The following CDH18 variants were observed in gnomAD, a reference collection of about 807,000 sequenced individuals.
CDH18 encodes the protein cadherin 18, also known as cadherin-18.
Under a neutral mutation model 67.9 loss-of-function variants are expected in CDH18, and 31 were observed. That is an observed-to-expected ratio of 0.46 (90% CI 0.34 to 0.62). The LOEUF (loss-of-function observed/expected upper bound fraction) is 0.62, where lower values mean the gene tolerates loss of function less well. Ranked by LOEUF, CDH18 falls within the 20% of genes least tolerant of loss-of-function variation. The pLI is 0.01. For missense variants in CDH18, 890 were observed against 975.5 expected, an observed-to-expected ratio of 0.91 and a Z score of 1.17; for synonymous variants, 362 against 347.2, an observed-to-expected ratio of 1.04 and a Z score of -0.48.
At chr5:19,874,068 A>T (rs990198335) in intron 2 of CDH18, among the ~76,000 whole-genome samples, 1 of 152,220 alleles carries the variant, frequency 6.6e-6, no homozygotes, top group African/African-American at 2.4e-5. Context: ...TACACTCAGA[A>T]GTATGTCATT....
intron 2 of CDH18, among the ~76,000 whole-genome samples, chr5:19,977,007 G>A (rs1798569270): frequency 1.3e-5 from 2 of 152,054 alleles, no homozygotes; most frequent in Non-Finnish European, 2.9e-5. Context: ...TATGGAAAAA[G>A]GTGTAAGTGG....
At chr5:20,404,554 T>C (rs896813306) in intron 1 of CDH18, among the ~76,000 whole-genome samples, 7 of 152,048 alleles carry the variant, frequency 4.6e-5, no homozygotes, top group Admixed American at 2.0e-4. Context: ...GGGAGAGAGA[T>C]AGGGGAATGG....
chr5:20,499,404 T>G (rs1754109703), intron 1 of CDH18, among the ~76,000 whole-genome samples: 1 of 152,120 alleles, frequency 6.6e-6, no homozygotes, highest in African/African-American at 2.4e-5. Flanking sequence ...TTTTTTATTC[T>G]TTTCTAAATA....
At chr5:19,735,358 A>G (rs577457686) in intron 4 of CDH18, among the ~76,000 whole-genome samples, 2 of 150,986 alleles carry the variant, frequency 1.3e-5, no homozygotes, top group Non-Finnish European at 2.9e-5. Flanking sequence ...AACCACTCCC[A>G]TTCAATCTCT....
At chr5:19,859,150 C>A (rs1784606519) in intron 2 of CDH18, among the ~76,000 whole-genome samples, 1 of 152,038 alleles carries the variant, frequency 6.6e-6, no homozygotes, top group African/African-American at 2.4e-5. Flanking sequence ...TCACCTCAGC[C>A]AAGGGCATTC....
chr5:20,252,176 C>A (rs1743909752), intron 2 of CDH18, among the ~76,000 whole-genome samples: 1 of 151,696 alleles, frequency 6.6e-6, no homozygotes, highest in South Asian at 2.1e-4. Context: ...ACATGTAAAA[C>A]CCCCTTTCTA....
At chr5:19,603,601 A>G (rs1747533215) in intron 6 of CDH18, among the ~76,000 whole-genome samples, 1 of 151,806 alleles carries the variant, frequency 6.6e-6, no homozygotes, top group Admixed American at 6.6e-5. Flanking sequence ...AGAAAAATGA[A>G]GAAGAGACAC....
chr5:20,014,595 T>C (rs1170424240), intron 2 of CDH18, among the ~76,000 whole-genome samples: 1 of 152,114 alleles, frequency 6.6e-6, no homozygotes, highest in Non-Finnish European at 1.5e-5. Context: ...TAATTTTATA[T>C]ATAGTTAAAG....
rs1741444806 is a variant in CDH18 at position 19,571,766 on chromosome 5, A to C, written c.1066T>G (p.Phe356Val). ...AAAGGACCCAAGTGAGAAAAGCGAA[A>C]ATCAAGATGTGTATTTGCTCCTTCT... ...NIEGANTHLDFRFSHLGPFKD... is the reference protein window; with the variant it reads ...NIEGANTHLDVRFSHLGPFKD... The change falls in exon 8 of 13, where the codon TTT (phenylalanine) becomes GTT (valine). Residue 356 changes from phenylalanine (F) to valine (V), a missense_variant. Phe to Val is a conservative substitution (Grantham distance 50). Transcript: ENST00000382275. 1.9e-6 allele frequency: 3 copies of C among 1,613,918 alleles called. No homozygotes were observed. Among genetic ancestry groups the C allele is most frequent in the Non-Finnish European group, 2.5e-6 (3 of 1,179,840 alleles).
At chr5:20,158,251 A>G (rs970927340) in intron 2 of CDH18, among the ~76,000 whole-genome samples, 8 of 152,322 alleles carry the variant, frequency 5.3e-5, no homozygotes, top group African/African-American at 1.7e-4. Flanking sequence ...TTAGAACAAG[A>G]GAAAAATAAA....
intron 5 of CDH18, among the ~76,000 whole-genome samples, chr5:19,648,864 A>G (rs958989201): frequency 2.0e-5 from 3 of 151,962 alleles, no homozygotes; most frequent in African/African-American, 7.2e-5. Flanking sequence ...GACAAAAATG[A>G]CATTTATATA....
intron 1 of CDH18, among the ~76,000 whole-genome samples, chr5:20,391,122 C>T (rs1327277245): frequency 6.6e-6 from 1 of 151,802 alleles, no homozygotes; most frequent in African/African-American, 2.4e-5. Context: ...TACCCTAAAA[C>T]TTAAAGTATA....
At chr5:20,477,607 C>A (rs1195248516) in intron 1 of CDH18, among the ~76,000 whole-genome samples, 1 of 152,228 alleles carries the variant, frequency 6.6e-6, no homozygotes, top group South Asian at 2.1e-4. Context: ...ACAGAGGGGA[C>A]TCTCCCATCC....
chr5:20,336,464 T>C (rs1211956761), intron 1 of CDH18, among the ~76,000 whole-genome samples: 3 of 152,070 alleles, frequency 2.0e-5, no homozygotes, highest in African/African-American at 7.2e-5. Flanking sequence ...GGTTCATGCC[T>C]GTAATCTCAG....
rs114140590 is a variant in CDH18, at chr5:19,495,463, G to A, written c.1630+7529C>T. ...TTAAAATATCAATAAAATCTCAGCC[G>A]GGAGCTGTGGTTCACACCTGTAATC... is the stretch of plus-strand genomic sequence containing the variant. On this transcript the variant is annotated intron_variant, in intron 11 of 12. Transcript: ENST00000382275. 9.2e-3 allele frequency among the ~76,000 whole-genome samples: 1,391 copies of A among 151,984 alleles called. 13 individuals carry two copies. The highest frequency in any genetic ancestry group is 0.011 in the Non-Finnish European group (779 of 67,952).
At chr5:20,241,827 G>C (rs1333477221) in intron 2 of CDH18, among the ~76,000 whole-genome samples, 2 of 145,772 alleles carry the variant, frequency 1.4e-5, no homozygotes, top group African/African-American at 2.6e-5. Context: ...ACTCCAGCCT[G>C]GGCGACAGAG....
intron 1 of CDH18, among the ~76,000 whole-genome samples, chr5:20,552,307 T>C (rs1355606368): frequency 6.6e-6 from 1 of 151,992 alleles, no homozygotes; most frequent in Non-Finnish European, 1.5e-5. Flanking sequence ...TAAAACCTCG[T>C]CTCTACTAAA....
At chr5:19,887,435 T>C (rs1255885893) in intron 2 of CDH18, among the ~76,000 whole-genome samples, 1 of 152,124 alleles carries the variant, frequency 6.6e-6, no homozygotes, top group Non-Finnish European at 1.5e-5. Context: ...TTAAAATAGA[T>C]TTATTAACTT....
rs192035548 is a variant in CDH18, at chr5:20,515,572, C to A, written c.-580+59890G>T. ...TTTAATTCTATTGAATAGGACCCAA[C>A]AATTCCCATTTAACAGCTCGTTATT... On this transcript the variant is annotated intron_variant, in intron 1 of 14. Transcript: ENST00000507958. Among the ~76,000 whole-genome samples the A allele has an allele frequency of 5.7e-4, 86 of 152,150 alleles. 1 individual carries two copies. The highest frequency in any genetic ancestry group is 8.2e-4 in the Non-Finnish European group (56 of 67,970).
Sources: gnomAD v4.1 joint callset for allele counts (sites outside exome capture counted in the v4.1 genomes callset) on GRCh38, gnomAD v4.1.1 for gene constraint, MANE v1.5 for transcripts, NCBI Gene and HGNC (gene_info 2026-07-23, HGNC 2026-07-21) for gene names.